ANO10: variants seen among roughly 807,000 people sequenced by gnomAD.
ANO10 encodes anoctamin 10.
Under a neutral mutation model 74.7 loss-of-function variants are expected in ANO10, and 77 were observed. That is an observed-to-expected ratio of 1.03 (90% CI 0.86 to 1.25). The LOEUF is 1.25. ANO10 is among the 50% of genes most tolerant of loss of function. ANO10 has a pLI of 0.00. For synonymous variants in ANO10, 279 were observed against 284.9 expected (o/e 0.98, Z 0.21); for missense variants, 721 against 778.1 (o/e 0.93, Z 0.87).
intron 1 of ANO10, among the ~76,000 whole-genome samples, chr3:43,667,074 T>G (rs1339229440): frequency 2.1e-4 from 4 of 18,770 alleles, no homozygotes; most frequent in Non-Finnish European, 5.3e-4. Flanking sequence ...CAATGCATGT[T>G]TTTTTTTTTT....
chr3:43,535,213 C>T (rs1372626191), intron 11 of ANO10, among the ~76,000 whole-genome samples: 1 of 150,548 alleles, frequency 6.6e-6, no homozygotes, highest in African/African-American at 2.4e-5. Context: ...ATCTGCCTGC[C>T]TTGGCCTCCC....
intron 7 of ANO10, among the ~76,000 whole-genome samples, chr3:43,572,715 C>G (rs1390618955): frequency 1.3e-5 from 2 of 152,360 alleles, no homozygotes; most frequent in Admixed American, 6.5e-5. Context: ...GGTTTCCTTT[C>G]TGCCTCCCAG....
intron 1 of ANO10, among the ~76,000 whole-genome samples, chr3:43,628,317 T>C (rs2083512004): frequency 6.6e-6 from 1 of 152,206 alleles, no homozygotes; most frequent in African/African-American, 2.4e-5. Flanking sequence ...TCTGTAAACA[T>C]AAATTGTGAA....
chr3:43,583,069 G>C (rs912447717), intron 4 of ANO10, among the ~76,000 whole-genome samples: 1 of 152,138 alleles, frequency 6.6e-6, no homozygotes, highest in African/African-American at 2.4e-5. Flanking sequence ...CCATTCTACT[G>C]TAGAAGACTT....
At chr3:43,501,853 A>G (rs2077111395) in intron 11 of ANO10, among the ~76,000 whole-genome samples, 1 of 152,214 alleles carries the variant, frequency 6.6e-6, no homozygotes, top group Non-Finnish European at 1.5e-5. Context: ...AGCTATCAAA[A>G]TGATCTGTCT....
intron 1 of ANO10, among the ~76,000 whole-genome samples, chr3:43,614,477 T>C (rs2082985865): frequency 6.6e-6 from 1 of 151,872 alleles, no homozygotes; most frequent in Admixed American, 6.6e-5. Flanking sequence ...AAAAGAAATA[T>C]GCCAAGACAC....
At chr3:43,497,580 T>G (rs1184709384) in intron 11 of ANO10, among the ~76,000 whole-genome samples, 2 of 152,042 alleles carry the variant, frequency 1.3e-5, no homozygotes, top group Non-Finnish European at 2.9e-5. Flanking sequence ...AGTTAATGAA[T>G]CCACCCTACT....
At chr3:43,508,557 A>G (rs1000052293) in intron 11 of ANO10, among the ~76,000 whole-genome samples, 4 of 152,220 alleles carry the variant, frequency 2.6e-5, no homozygotes, top group Non-Finnish European at 5.9e-5. Flanking sequence ...ATGTCCATCA[A>G]TGATAGACTG....
At chr3:43,480,918 C>T (rs963555715) in intron 11 of ANO10, among the ~76,000 whole-genome samples, 20 of 151,830 alleles carry the variant, frequency 1.3e-4, no homozygotes, top group Admixed American at 9.2e-4. Flanking sequence ...TGGCACACTA[C>T]GTACTTATCT....
intron 11 of ANO10, among the ~76,000 whole-genome samples, chr3:43,539,241 T>C (rs2078849130): frequency 6.6e-6 from 1 of 152,266 alleles, no homozygotes; most frequent in African/African-American, 2.4e-5. Context: ...TCCCATTAGA[T>C]TTGAGACTGC....
intron 11 of ANO10, among the ~76,000 whole-genome samples, chr3:43,543,389 T>G (rs1228424820): frequency 1.3e-5 from 2 of 152,178 alleles, no homozygotes; most frequent in Non-Finnish European, 2.9e-5. Flanking sequence ...GCTTCTTTTC[T>G]TTTCTTTTTT....
At chr3:43,379,928 TA>T (rs1018163459) in intron 12 of ANO10, among the ~76,000 whole-genome samples, 2 of 151,790 alleles carry the variant, frequency 1.3e-5, no homozygotes, top group African/African-American at 4.8e-5. Context: ...CTTAAATAAA[TA>T]AAAAACAAAA....
intron 7 of ANO10, among the ~76,000 whole-genome samples, chr3:43,570,539 A>G (rs1338898034): frequency 6.6e-6 from 1 of 152,216 alleles, no homozygotes; most frequent in African/African-American, 2.4e-5. Context: ...GCATATCTAC[A>G]ACTATCTGAT....
intron 12 of ANO10, among the ~76,000 whole-genome samples, chr3:43,405,648 A>AT (rs2092563003): frequency 1.3e-5 from 2 of 151,774 alleles, no homozygotes; most frequent in Admixed American, 1.3e-4. Context: ...TAATTTTTGT[A>AT]TTTTTTGTAG....
intron 1 of ANO10, among the ~76,000 whole-genome samples, chr3:43,634,265 C>T (rs1436139607): frequency 1.3e-5 from 2 of 151,850 alleles, no homozygotes; most frequent in Admixed American, 6.6e-5. Context: ...AGTAAGAGAA[C>T]GATTGCTAGA....
intron 2 of ANO10, among the ~76,000 whole-genome samples, chr3:43,602,071 G>C (rs147852296): frequency 7.9e-4 from 120 of 152,300 alleles, no homozygotes; most frequent in African/African-American, 2.8e-3. Context: ...CTCCGAACTG[G>C]GCTGTGGTCT....
chr3:43,398,957 T>C (rs944794412), intron 12 of ANO10, among the ~76,000 whole-genome samples: 7 of 152,184 alleles, frequency 4.6e-5, no homozygotes, highest in African/African-American at 1.7e-4. Flanking sequence ...GTCTCCCAAG[T>C]AGCTGAACTA....
At chr3:43,524,489 C>A (rs2078103663) in intron 11 of ANO10, among the ~76,000 whole-genome samples, 1 of 152,064 alleles carries the variant, frequency 6.6e-6, no homozygotes, top group African/African-American at 2.4e-5. Flanking sequence ...GCCCTAGAGA[C>A]CAGGAAGGTT....
chr3:43,584,474 T>G (rs2081389916), intron 4 of ANO10, among the ~76,000 whole-genome samples: 1 of 152,132 alleles, frequency 6.6e-6, no homozygotes, highest in Admixed American at 6.6e-5. Context: ...ACCACGCAGC[T>G]GTGTATGGGA....
Sources: gnomAD v4.1 joint callset for allele counts (sites outside exome capture counted in the v4.1 genomes callset) on GRCh38, gnomAD v4.1.1 for gene constraint, MANE v1.5 for transcripts, NCBI Gene and HGNC (gene_info 2026-07-23, HGNC 2026-07-21) for gene names.